SYT3: variants seen among roughly 807,000 people sequenced by gnomAD.
The protein encoded by SYT3 is synaptotagmin 3, also known as synaptotagmin-3.
A neutral mutation model predicts 50.6 loss-of-function variants in SYT3; 25 were observed. The ratio of observed to expected loss-of-function variants is 0.49; its 90% CI spans 0.36 to 0.69. The LOEUF is 0.69. SYT3 is among the 30% of genes least tolerant of loss of function. The pLI is 0.00. For missense variants in SYT3, 589 were observed against 793.6 expected (o/e 0.74, Z 3.10); for synonymous variants, 323 against 353.9 (o/e 0.91, Z 0.98).
intron 3 of SYT3, among the ~76,000 whole-genome samples, chr19:50,633,308 A>G (rs1984386379): frequency 6.6e-6 from 1 of 152,206 alleles, no homozygotes; most frequent in South Asian, 2.1e-4. Flanking sequence ...CATTTTAAAG[A>G]TGAGGAAACT....
At chr19:50,649,868 T>A in the SYT3 span, 7,907 of 471,530 alleles carry the variant, frequency 0.017, 109 homozygotes, top group Non-Finnish European at 0.023. Context: ...TCCTTCCTGG[T>A]TTCCATTTTC....
intron 3 of SYT3, among the ~76,000 whole-genome samples, chr19:50,633,838 C>G (rs1984405967): frequency 6.6e-6 from 1 of 152,168 alleles, no homozygotes; most frequent in Non-Finnish European, 1.5e-5. Flanking sequence ...GGTCTGTATA[C>G]CCATAGTTAC....
At chr19:50,656,453 A>G in the SYT3 span, 1 of 1,398,706 alleles carries the variant, frequency 7.1e-7, no homozygotes, top group Non-Finnish European at 9.4e-7. Context: ...CTTTTGGCTT[A>G]TAAGCTGTGG....
chr19:50,649,717 G>C, the SYT3 span: 1 of 686,010 alleles, frequency 1.5e-6, no homozygotes, highest in East Asian at 2.8e-5. Context: ...CAGTTCCTTG[G>C]CCAATGCCCT....
At chr19:50,656,049 G>A in the SYT3 span, 2 of 1,535,978 alleles carry the variant, frequency 1.3e-6, no homozygotes, top group South Asian at 2.4e-5. Flanking sequence ...TCTGTCCTCA[G>A]GAGCCCTCCT....
chr19:50,630,041 G>T lies in SYT3; in HGVS notation c.805C>A (p.Gln269Lys), dbSNP rs1427089383. 1 of 1,614,002 alleles carries T rather than the reference G, an allele frequency of 6.2e-7. No homozygotes were observed. The highest frequency in any genetic ancestry group is 1.7e-5 in the Admixed American group (1 of 59,996). ...CCCTGGTACAGCTCTGGCTTAATCT[G>T]CCCAATGAGTTTGGCTTTTTCCTCG... is the stretch of plus-strand genomic sequence containing the variant. ...GGEEKAKLIGQIKPELYQGTG... is the reference protein window; with the variant it reads ...GGEEKAKLIGKIKPELYQGTG... Residue 269 changes from glutamine (Q) to lysine (K), a missense_variant, in exon 5 of 11, where the codon CAG (glutamine) becomes AAG (lysine). Coordinates refer to ENST00000600079, the MANE Select transcript of SYT3 (RefSeq NM_001160329.2).
At chr19:50,624,946 A>T (rs1983988058) in intron 9 of SYT3, 1 of 419,038 alleles carries the variant, frequency 2.4e-6, no homozygotes, top group Non-Finnish European at 4.1e-6. Flanking sequence ...CTAACAGAAG[A>T]TGCTATCAAC....
At chr19:50,648,950 C>T in the SYT3 span, among the ~76,000 whole-genome samples, 1 of 150,210 alleles carries the variant, frequency 6.7e-6, no homozygotes, top group Admixed American at 6.6e-5. Context: ...GAGAGGGTGA[C>T]GGGGTTAGGG....
At chr19:50,647,756 GAGGAGAGGA>G in the SYT3 span, among the ~76,000 whole-genome samples, 3 of 152,120 alleles carry the variant, frequency 2.0e-5, no homozygotes, top group African/African-American at 7.2e-5. Flanking sequence ...TGGGAGTAGA[GAGGAGAGGA>G]AGGAGAGGCA....
At chr19:50,641,011 G>A (rs972212638), upstream of SYT3, among the ~76,000 whole-genome samples, 5 of 152,032 alleles carry the variant, frequency 3.3e-5, no homozygotes, top group African/African-American at 1.2e-4. Flanking sequence ...TTGAAGCCAG[G>A]AGTTTGAGAC....
At chr19:50,626,767 T>G (rs576098182) in intron 6 of SYT3, among the ~76,000 whole-genome samples, 15 of 110,610 alleles carry the variant, frequency 1.4e-4, no homozygotes, top group East Asian at 5.7e-4. Context: ...GAGAGAGAGA[T>G]ATATATAGAG....
chr19:50,641,129 C>T (rs534748398), upstream of SYT3, among the ~76,000 whole-genome samples: 9 of 148,598 alleles, frequency 6.1e-5, no homozygotes, highest in South Asian at 2.1e-4. Context: ...GTCCCACCTA[C>T]GCAGGAGGCT....
At chr19:50,656,011 A>G in the SYT3 span, 1 of 1,528,394 alleles carries the variant, frequency 6.5e-7, no homozygotes, top group Non-Finnish European at 8.8e-7. Context: ...ATGGCTGAGG[A>G]GGGCTCAGGG....
upstream of SYT3, among the ~76,000 whole-genome samples, chr19:50,644,863 ATGGATGAT>A (rs1984736570): frequency 6.6e-6 from 1 of 151,904 alleles, no homozygotes; most frequent in Non-Finnish European, 1.5e-5. Context: ...AGGTGCAGGG[ATGGATGAT>A]TGGATGATTG....
the SYT3 span, chr19:50,649,629 C>A: frequency 1.1e-5 from 12 of 1,115,242 alleles, no homozygotes; most frequent in African/African-American, 1.2e-4. Context: ...TGAAAGCCAT[C>A]CCTAGCATTC....
the SYT3 span, among the ~76,000 whole-genome samples, chr19:50,655,187 A>G: frequency 6.6e-6 from 1 of 152,218 alleles, no homozygotes; most frequent in Non-Finnish European, 1.5e-5. Context: ...GTGCTGGGTA[A>G]AACTCTAGGA....
At chr19:50,638,412 G>A (rs989707923) in intron 2 of SYT3, among the ~76,000 whole-genome samples, 2 of 151,910 alleles carry the variant, frequency 1.3e-5, no homozygotes, top group African/African-American at 4.8e-5. Context: ...TATGGTGGGA[G>A]CTGGGGGTGG....
the SYT3 span, chr19:50,656,139 C>T: frequency 6.5e-7 from 1 of 1,536,126 alleles, no homozygotes; most frequent in Non-Finnish European, 8.7e-7. Flanking sequence ...TGTCCCTGGC[C>T]CCCATGACCT....
the SYT3 span, chr19:50,658,044 C>T: frequency 3.3e-6 from 5 of 1,536,026 alleles, no homozygotes; most frequent in Non-Finnish European, 4.4e-6. Context: ...GCCCAGTTAC[C>T]AGGGGCCATG....
Sources: allele counts gnomAD v4.1 joint callset (sites outside exome capture counted in the v4.1 genomes callset), GRCh38; gene constraint gnomAD v4.1.1; transcripts MANE v1.5; gene names NCBI Gene and HGNC (gene_info 2026-07-23, HGNC 2026-07-21).